The following LDAF1 variants were observed in gnomAD, a reference collection of about 807,000 sequenced individuals.
LDAF1 encodes the protein PROMETHIN.
A neutral mutation model predicts 13.5 loss-of-function variants in LDAF1; 7 were observed. The ratio of observed to expected loss-of-function variants is 0.52; its 90% CI spans 0.29 to 0.97. The LOEUF (loss-of-function observed/expected upper bound fraction) is 0.97. Ranked by LOEUF, LDAF1 falls within the 50% of genes least tolerant of loss-of-function variation. The pLI, the probability that LDAF1 is intolerant of heterozygous loss-of-function variation, is 0.07. For synonymous variants in LDAF1, 69 were observed against 77.1 expected, an observed-to-expected ratio of 0.89 and a Z score of 0.55; for missense variants, 148 against 193.2, an observed-to-expected ratio of 0.77 and a Z score of 1.39.
intron 4 of LDAF1, chr16:21,177,101 T>C (rs1356001357): frequency 1.3e-5 from 2 of 152,118 alleles, no homozygotes; most frequent in African/African-American, 4.8e-5. Context: ...CAAAACAAAA[T>C]GAAATTTGTG....
intron 4 of LDAF1, among the ~76,000 whole-genome samples, chr16:21,175,770 T>G (rs2093133451): frequency 1.3e-5 from 2 of 152,210 alleles, no homozygotes; most frequent in African/African-American, 4.8e-5. Flanking sequence ...ATTATTCCTA[T>G]GTTGAAAAAT....
intron 4 of LDAF1, among the ~76,000 whole-genome samples, chr16:21,175,720 A>T (rs762691787): frequency 1.3e-5 from 2 of 152,216 alleles, no homozygotes; most frequent in African/African-American, 4.8e-5. Context: ...GTTTTTCTAC[A>T]AAACAGCCCT....
intron 3 of LDAF1, among the ~76,000 whole-genome samples, chr16:21,173,544 TCTC>T (rs1321629854): frequency 6.6e-6 from 1 of 152,004 alleles, no homozygotes; most frequent in African/African-American, 2.4e-5. Flanking sequence ...TGAAACCCCA[TCTC>T]CTCTAAAAAT....
Position 21,170,755 on chromosome 16 carries a change from G to A in LDAF1, c.265+150G>A, listed in dbSNP as rs371908390. 6.0e-5 allele frequency: 55 copies of A among 915,090 alleles called. No individual in the cohort carries two copies. In the East Asian group the frequency reaches 7.9e-4, roughly 13 times the overall value. 56.7% of individuals were successfully genotyped at this position (915,090 alleles called of 1,614,324 possible). A position where few individuals can be genotyped will look rare whatever the true frequency, so the allele number is the denominator to read the frequency against. The stretch of plus-strand genomic sequence containing the variant: ...TCCTGGGCTCAAGTGATCCTCCCAC[G>A]TCGGCCTGCCAAAGTGCTGGGATTA... On this transcript the variant is annotated intron_variant, in intron 3 of 4. Transcript: ENST00000233047.
At chr16:21,175,465 G>C (rs1597565015) in intron 4 of LDAF1, among the ~76,000 whole-genome samples, 2 of 152,298 alleles carry the variant, frequency 1.3e-5, no homozygotes, top group South Asian at 4.1e-4. Flanking sequence ...GGCCAGACAG[G>C]AAGTATTTAG....
chr16:21,168,575 T>G (rs1222811886), intron 2 of LDAF1, among the ~76,000 whole-genome samples: 1 of 142,998 alleles, frequency 7.0e-6, no homozygotes, highest in Non-Finnish European at 1.5e-5. Context: ...TATATAAATA[T>G]AATATATTTA....
intron 4 of LDAF1, chr16:21,178,256 G>A: frequency 1.0e-6 from 1 of 985,340 alleles, no homozygotes; most frequent in Non-Finnish European, 1.2e-6. Context: ...CTCAGGAGAA[G>A]TAGGGGCCCT....
At chr16:21,168,749 ATATAT>A (rs1409160346) in intron 2 of LDAF1, among the ~76,000 whole-genome samples, 1 of 132,846 alleles carries the variant, frequency 7.5e-6, no homozygotes, top group Non-Finnish European at 1.5e-5. Flanking sequence ...TTTTTATTTT[ATATAT>A]TATAATTATA....
At chr16:21,162,757 G>C (rs1040622572) in intron 2 of LDAF1, among the ~76,000 whole-genome samples, 1 of 152,216 alleles carries the variant, frequency 6.6e-6, no homozygotes, top group Non-Finnish European at 1.5e-5. Context: ...AGCTGGCGGG[G>C]ACTCTTGTTA....
chr16:21,179,901 A>ATTGT lies in LDAF1; in HGVS notation c.*348_*351dup, dbSNP rs1416694227. 1 of 182,164 alleles carries ATTGT rather than the reference A, an allele frequency of 5.5e-6. No individual in the cohort carries two copies. The highest frequency in any genetic ancestry group is 2.4e-5 in the African/African-American group (1 of 42,298). The allele number at this position is 182,164 out of a possible 1,614,324, so 11.3% of individuals were successfully genotyped here. On this transcript the variant is annotated 3_prime_UTR_variant, in exon 5 of 5. Transcript: ENST00000233047. Reference sequence around the variant, plus strand: ...AACGGTCCCATTGGGAGCAACAGTGATTGTTTATAGTTTTTTGTTTTCAGA... The same window carrying ATTGT: ...AACGGTCCCATTGGGAGCAACAGTGATTGTTTGTTTATAGTTTTTTGTTTTCAGA...
At chr16:21,169,103 TTAA>T (rs1214526327) in intron 2 of LDAF1, 39 of 870,106 alleles carry the variant, frequency 4.5e-5, no homozygotes, top group Middle Eastern at 5.8e-4. Flanking sequence ...AATAATGCTT[TTAA>T]TAATAATAAT....
intron 2 of LDAF1, among the ~76,000 whole-genome samples, chr16:21,166,133 A>C (rs920572240): frequency 4.6e-5 from 7 of 152,204 alleles, no homozygotes; most frequent in African/African-American, 1.7e-4. Context: ...AAGTGCTGGG[A>C]TTACAGGTGT....
At chr16:21,177,766 C>T (rs1378399895) in intron 4 of LDAF1, among the ~76,000 whole-genome samples, 2 of 151,744 alleles carry the variant, frequency 1.3e-5, no homozygotes, top group African/African-American at 4.8e-5. Flanking sequence ...TATAGGTGTG[C>T]ACCACCATGC....
chr16:21,165,258 C>T (rs920832064), intron 2 of LDAF1, among the ~76,000 whole-genome samples: 1 of 152,068 alleles, frequency 6.6e-6, no homozygotes, highest in African/African-American at 2.4e-5. Flanking sequence ...GTCAGGAGTT[C>T]GAGACTAGCC....
chr16:21,174,636 A>G (rs1198688959), intron 4 of LDAF1, among the ~76,000 whole-genome samples: 1 of 152,226 alleles, frequency 6.6e-6, no homozygotes, highest in Non-Finnish European at 1.5e-5. Flanking sequence ...GGAATTTACC[A>G]TGGAATTTTA....
chr16:21,165,181 C>T (rs367932615), intron 2 of LDAF1, among the ~76,000 whole-genome samples: 10 of 152,256 alleles, frequency 6.6e-5, no homozygotes, highest in South Asian at 4.1e-4. Context: ...CTAAGAATGG[C>T]GGGGCATGGT....
chr16:21,171,007 C>T (rs1415950724), intron 3 of LDAF1, among the ~76,000 whole-genome samples: 1 of 152,184 alleles, frequency 6.6e-6, no homozygotes, highest in Non-Finnish European at 1.5e-5. Context: ...AAGATTGAAA[C>T]TTATGGCTCC....
chr16:21,174,974 G>T (rs1007368622), intron 4 of LDAF1, among the ~76,000 whole-genome samples: 30 of 152,138 alleles, frequency 2.0e-4, no homozygotes, highest in African/African-American at 6.3e-4. Context: ...CTACAATATG[G>T]CTCTTCAATG....
At chr16:21,162,800 G>A (rs188278455) in intron 2 of LDAF1, among the ~76,000 whole-genome samples, 6 of 152,292 alleles carry the variant, frequency 3.9e-5, no homozygotes, top group Admixed American at 2.0e-4. Flanking sequence ...GGGTCCTCCT[G>A]CCTGTTCCAC....
Sources: gnomAD v4.1 joint callset for allele counts (sites outside exome capture counted in the v4.1 genomes callset) on GRCh38, gnomAD v4.1.1 for gene constraint, MANE v1.5 for transcripts, NCBI Gene and HGNC (gene_info 2026-07-23, HGNC 2026-07-21) for gene names.